DMD: variants seen among roughly 807,000 people sequenced by gnomAD.
DMD encodes the protein dystrophin, also known as mutant dystrophin.
In DMD, 63 loss-of-function variants were observed where a neutral mutation model predicts 330.1. The observed-to-expected ratio is 0.19, with a 90% CI of 0.16 to 0.24. The LOEUF (loss-of-function observed/expected upper bound fraction) is 0.24. DMD is among the 10% of genes least tolerant of loss of function. The probability of loss-of-function intolerance (pLI) is 1.00; values close to 1 mark genes in which losing one functional copy is unlikely to be tolerated. For synonymous variants in DMD, 1,223 were observed against 959.8 expected (o/e 1.27, Z -5.07); for missense variants, 3,344 against 2,684.1 (o/e 1.25, Z -5.43).
At chrX:31,270,032 G>A (rs1027198535) in intron 62 of DMD, among the ~76,000 whole-genome samples, 1 of 111,286 alleles carries the variant, frequency 9.0e-6, no homozygotes, top group African/African-American at 3.3e-5. Context: ...TATTCTTCAG[G>A]TTCCCTCCTA....
At chrX:31,353,976 C>T (rs1216453026) in intron 60 of DMD, among the ~76,000 whole-genome samples, 2 of 111,909 alleles carry the variant, frequency 1.8e-5, no homozygotes, top group African/African-American at 6.5e-5. Flanking sequence ...CCTGTTTCAA[C>T]TATTAGATCA....
intron 2 of DMD, among the ~76,000 whole-genome samples, chrX:32,880,299 C>CAAAAAAAAAAAAA (rs756974936): frequency 9.4e-6 from 1 of 106,064 alleles, no homozygotes; most frequent in African/African-American, 3.4e-5. Flanking sequence ...AAAAAAAAGC[C>CAAAAAAAAAAAAA]TTTTTCAGCT....
At chrX:32,072,470 A>AG (rs1857834561) in intron 44 of DMD, among the ~76,000 whole-genome samples, 2 of 111,158 alleles carry the variant, frequency 1.8e-5, no homozygotes, top group African/African-American at 3.3e-5. Context: ...CAAAACCCAG[A>AG]GGGGCCCACA....
At chrX:31,922,431 G>C (rs12116182) in intron 47 of DMD, among the ~76,000 whole-genome samples, 8,651 of 111,465 alleles carry the variant, frequency 0.078, 792 homozygotes, top group African/African-American at 0.26. Flanking sequence ...CCCAAAGAGA[G>C]GGTCATGGGA....
chrX:32,503,168 G>C (rs1383653564), intron 18 of DMD, among the ~76,000 whole-genome samples: 3 of 111,703 alleles, frequency 2.7e-5, no homozygotes, highest in Non-Finnish European at 5.6e-5. Flanking sequence ...GACTGCTTCA[G>C]TCCAGGGATT....
chrX:32,644,037 C>A (rs768772977), intron 11 of DMD, 95 bp downstream of exon 11: 9 of 767,445 alleles, frequency 1.2e-5, no homozygotes, highest in Non-Finnish European at 1.7e-5. Flanking sequence ...TGGGAACAAA[C>A]TGAGAATCGT....
intron 13 of DMD, among the ~76,000 whole-genome samples, chrX:32,574,469 C>A (rs928976817): frequency 8.9e-6 from 1 of 111,779 alleles, no homozygotes; most frequent in African/African-American, 3.2e-5. Context: ...TGTCTAAGAA[C>A]ACACACTATT....
At chrX:32,709,121 T>C (rs758337525) in intron 7 of DMD, among the ~76,000 whole-genome samples, 2 of 111,712 alleles carry the variant, frequency 1.8e-5, no homozygotes, top group Non-Finnish European at 3.8e-5. Flanking sequence ...TTCATTTGAG[T>C]TTGGAGTTTC....
chrX:32,833,630 G>A (rs1455700795), intron 4 of DMD, among the ~76,000 whole-genome samples: 3 of 98,408 alleles, frequency 3.0e-5, no homozygotes, highest in Non-Finnish European at 6.1e-5. Context: ...TAACTTTAAC[G>A]ACAAAAATCA....
chrX:31,494,025 C>T (rs770948933), intron 57 of DMD, among the ~76,000 whole-genome samples: 4 of 108,834 alleles, frequency 3.7e-5, no homozygotes, highest in African/African-American at 6.8e-5. Context: ...GGCATGGTGG[C>T]GCGTGCCTGT....
At chrX:32,765,866 A>G (rs931833669) in intron 7 of DMD, among the ~76,000 whole-genome samples, 1 of 111,769 alleles carries the variant, frequency 8.9e-6, no homozygotes, top group Non-Finnish European at 1.9e-5. Flanking sequence ...TTCCTGATCC[A>G]TTTTGACTTA....
At chrX:31,228,827 A>G (rs2046934441) in intron 63 of DMD, among the ~76,000 whole-genome samples, 1 of 111,686 alleles carries the variant, frequency 9.0e-6, no homozygotes, top group Non-Finnish European at 1.9e-5. Context: ...CGCACTTCAG[A>G]AGGGTAAAAA....
At chrX:32,541,782 G>A (rs751135357) in intron 17 of DMD, among the ~76,000 whole-genome samples, 2 of 96,371 alleles carry the variant, frequency 2.1e-5, no homozygotes, top group Non-Finnish European at 4.1e-5. Context: ...AAACCTACAC[G>A]TTAACCCCTT....
At chrX:31,718,043 A>C (rs1218545483) in intron 52 of DMD, among the ~76,000 whole-genome samples, 1 of 111,927 alleles carries the variant, frequency 8.9e-6, no homozygotes, top group African/African-American at 3.3e-5. Context: ...CCTATGACCC[A>C]GGGTTAGACT....
At chrX:31,541,728 G>A (rs193180442) in intron 55 of DMD, among the ~76,000 whole-genome samples, 66 of 109,838 alleles carry the variant, frequency 6.0e-4, no homozygotes, top group African/African-American at 1.9e-3. Flanking sequence ...TTCTTAATCC[G>A]GTCTATCATT....
chrX:31,467,272 GC>G (rs928674601), intron 59 of DMD, among the ~76,000 whole-genome samples: 1 of 111,448 alleles, frequency 9.0e-6, no homozygotes, highest in African/African-American at 3.3e-5. Context: ...TCCAGCTTTT[GC>G]CCATTCAGTA....
rs759555750 is a variant in DMD at position 31,182,720 on chromosome X, T to C, written c.9974+18A>G. The C allele has an allele frequency of 1.0e-5, 12 of 1,200,571 alleles. No homozygotes were observed. The highest frequency in any genetic ancestry group is 1.2e-5 in the Non-Finnish European group (11 of 887,990). ...AATGATGAGAAAAAAATGACATTTT[T>C]TTTTTGGTTCCTAATACCTGAATCC... On this transcript the variant is annotated intron_variant, in intron 68 of 78. Coordinates refer to ENST00000357033, the MANE Select transcript of DMD (RefSeq NM_004006.3).
At chrX:31,744,396 T>A (rs776721214) in intron 51 of DMD, among the ~76,000 whole-genome samples, 1 of 112,171 alleles carries the variant, frequency 8.9e-6, no homozygotes, top group Non-Finnish European at 1.9e-5. Flanking sequence ...ACTTTCAATT[T>A]ACAAAAAGTG....
intron 61 of DMD, among the ~76,000 whole-genome samples, chrX:31,333,070 C>T (rs1468920439): frequency 9.0e-6 from 1 of 111,395 alleles, no homozygotes; most frequent in East Asian, 2.8e-4. Flanking sequence ...AAAAATGTTA[C>T]GCGGTTCTCA....
Sources: allele counts gnomAD v4.1 joint callset (sites outside exome capture counted in the v4.1 genomes callset), GRCh38; gene constraint gnomAD v4.1.1; transcripts MANE v1.5; gene names NCBI Gene and HGNC (gene_info 2026-07-23, HGNC 2026-07-21).